Variants in MCTP1 observed in about 807,000 individuals in gnomAD.
MCTP1 encodes the protein multiple C2 and transmembrane domain-containing protein 1.
MCTP1 carries 69 observed loss-of-function variants against 120.6 expected under a neutral mutation model. The observed-to-expected ratio is 0.57, with a 90% CI of 0.47 to 0.70. MCTP1 has a LOEUF of 0.70. Among genes scored for constraint, MCTP1 ranks in the 30% least tolerant of loss-of-function variants. The probability of loss-of-function intolerance (pLI) is 0.00; values close to 1 mark genes in which losing one functional copy is unlikely to be tolerated. For synonymous variants in MCTP1, 529 were observed against 493.1 expected (o/e 1.07, Z -0.96); for missense variants, 1,203 against 1,248.8 (o/e 0.96, Z 0.55).
chr5:94,920,418 T>C (rs547886416), intron 7 of MCTP1, among the ~76,000 whole-genome samples: 2 of 152,128 alleles, frequency 1.3e-5, no homozygotes, highest in Non-Finnish European at 2.9e-5. Flanking sequence ...GTGTAAGTGC[T>C]TCAGCACAGG....
Position 94,953,298 on chromosome 5 carries a change from A to G in MCTP1, c.902T>C (p.Ile301Thr), listed in dbSNP as rs1404876263. ...CCACACAGGGTTGAGGTTCTTGTGT[A>G]TTATCTTACTTCTAAAAACTTCTTT... The part of the protein sequence containing the change: ...GGKEVFRSKI[I>T]HKNLNPVWEE... Residue 301 changes from isoleucine (I) to threonine (T), a missense_variant, in exon 3 of 23, where the codon ATA (isoleucine) becomes ACA (threonine). Ile to Thr is a moderately conservative substitution (Grantham distance 89). Around this residue, in one of 2 missense-constraint regions of MCTP1, gnomAD observed 740 missense variants for 871.1 expected, o/e 0.85. Transcript: ENST00000515393. 12 of 1,611,910 alleles carry G rather than the reference A, an allele frequency of 7.4e-6. No individual in the cohort carries two copies. Among genetic ancestry groups the G allele is most frequent in the East Asian group, 2.2e-5 (1 of 44,770 alleles).
At chr5:95,054,617 C>T (rs1004685960) in intron 1 of MCTP1, among the ~76,000 whole-genome samples, 1 of 152,144 alleles carries the variant, frequency 6.6e-6, no homozygotes, top group Non-Finnish European at 1.5e-5. Flanking sequence ...GAGCAGAGGT[C>T]CCCCCTACAA....
At chr5:94,751,075 A>G (rs1194339247) in intron 19 of MCTP1, among the ~76,000 whole-genome samples, 1 of 152,140 alleles carries the variant, frequency 6.6e-6, no homozygotes, top group Admixed American at 6.5e-5. Flanking sequence ...AAGAACAAGC[A>G]CACCTTGAAT....
At chr5:95,171,843 C>T (rs748537611) in intron 1 of MCTP1, among the ~76,000 whole-genome samples, 5 of 151,272 alleles carry the variant, frequency 3.3e-5, no homozygotes, top group African/African-American at 4.8e-5. Context: ...AGCTTCTTTG[C>T]GATGGGTTTC....
chr5:95,017,242 T>C (rs1243937821), intron 2 of MCTP1, 125 bp downstream of exon 2: 3 of 558,710 alleles, frequency 5.4e-6, no homozygotes, highest in African/African-American at 3.9e-5. Context: ...ACTGTGTCTT[T>C]GAATTCAAGC....
chr5:94,926,368 CCA>C lies in MCTP1; in HGVS notation c.1213-2349_1213-2348del, dbSNP rs1220003098. Among the ~76,000 whole-genome samples the C allele has an allele frequency of 2.8e-3, 423 of 152,156 alleles. 3 individuals are homozygous for C. The highest frequency in any genetic ancestry group is 3.7e-3 in the South Asian group (18 of 4,818). On this transcript the variant is annotated intron_variant, in intron 6 of 22. Transcript: ENST00000515393. ...ATTTCCTTTATCAATACAATTTTGG[CCA>C]CTTAAGAGATTAAAAAATAAATAAA...
At chr5:95,129,368 G>C (rs925066266) in intron 1 of MCTP1, among the ~76,000 whole-genome samples, 11 of 152,184 alleles carry the variant, frequency 7.2e-5, no homozygotes, top group Non-Finnish European at 1.6e-4. Flanking sequence ...ATCACGCTTG[G>C]TCTTCATTTA....
chr5:95,257,719 T>G lies in MCTP1; in HGVS notation c.720+26137A>C, dbSNP rs58486290. Among the ~76,000 whole-genome samples the G allele has an allele frequency of 4.9e-3, 743 of 151,514 alleles. 8 individuals are homozygous for G. Among genetic ancestry groups the G allele is most frequent in the African/African-American group, 0.016 (680 of 41,266 alleles). ...TTGAAAACATGGCTATTTCTAAGAC[T>G]AGAGCAGGAAATATATAAGAAGAGC... On this transcript the variant is annotated intron_variant, in intron 1 of 22. Coordinates refer to ENST00000515393, the MANE Select transcript of MCTP1 (RefSeq NM_024717.7).
intron 2 of MCTP1, 47 bp downstream of exon 2, chr5:95,017,320 T>A: frequency 8.5e-7 from 1 of 1,180,458 alleles, no homozygotes; most frequent in Non-Finnish European, 1.2e-6. Flanking sequence ...AAGTTTGTCA[T>A]AAACACATAA....
At chr5:95,011,043 G>A (rs1289471865) in intron 2 of MCTP1, among the ~76,000 whole-genome samples, 4 of 152,240 alleles carry the variant, frequency 2.6e-5, no homozygotes, top group East Asian at 3.9e-4. Context: ...CAGGGAGTTC[G>A]TGATGTCTGC....
intron 2 of MCTP1, among the ~76,000 whole-genome samples, chr5:94,973,605 GC>G (rs1315074975): frequency 6.6e-6 from 1 of 152,058 alleles, no homozygotes; most frequent in African/African-American, 2.4e-5. Flanking sequence ...ATATTTGTTG[GC>G]TTGTATGAAT....
chr5:94,986,390 A>G (rs1830421470), intron 2 of MCTP1, among the ~76,000 whole-genome samples: 1 of 152,174 alleles, frequency 6.6e-6, no homozygotes, highest in South Asian at 2.1e-4. Flanking sequence ...GACCTCTGCT[A>G]AATTTCAGTC....
intron 2 of MCTP1, among the ~76,000 whole-genome samples, chr5:95,010,747 A>C (rs1581825203): frequency 6.6e-6 from 1 of 152,154 alleles, no homozygotes; most frequent in East Asian, 1.9e-4. Context: ...TTCCACTGAA[A>C]GTTGTTTTTG....
At chr5:95,258,675 C>T (rs1409651846) in intron 1 of MCTP1, among the ~76,000 whole-genome samples, 1 of 152,152 alleles carries the variant, frequency 6.6e-6, no homozygotes, top group East Asian at 1.9e-4. Flanking sequence ...GAACTCTCTG[C>T]CCTATATTTG....
intron 1 of MCTP1, among the ~76,000 whole-genome samples, chr5:95,151,776 G>A (rs1290009527): frequency 6.6e-6 from 1 of 152,084 alleles, no homozygotes; most frequent in Non-Finnish European, 1.5e-5. Flanking sequence ...TCTTTCCACA[G>A]GCCAGCAGTG....
At chr5:94,763,019 C>T (rs1046306217) in intron 19 of MCTP1, among the ~76,000 whole-genome samples, 5 of 152,154 alleles carry the variant, frequency 3.3e-5, no homozygotes, top group African/African-American at 1.2e-4. Flanking sequence ...TTAAAATCTC[C>T]TTTACTCTCT....
intron 1 of MCTP1, among the ~76,000 whole-genome samples, chr5:95,229,098 G>A (rs1754626511): frequency 6.6e-6 from 1 of 152,210 alleles, no homozygotes; most frequent in Non-Finnish European, 1.5e-5. Flanking sequence ...AACACAGGAA[G>A]CTTGGAGGAC....
At chr5:95,282,275 CAG>C (rs1403882081) in intron 1 of MCTP1, among the ~76,000 whole-genome samples, 1 of 151,982 alleles carries the variant, frequency 6.6e-6, no homozygotes, top group Non-Finnish European at 1.5e-5. Context: ...ATAAAAAATT[CAG>C]AGTTATCTAT....
chr5:95,006,477 T>C (rs1430719054), intron 2 of MCTP1, among the ~76,000 whole-genome samples: 1 of 152,120 alleles, frequency 6.6e-6, no homozygotes. Context: ...AAACACTGTT[T>C]AAAGAAATAA....
Sources: allele counts gnomAD v4.1 joint callset (sites outside exome capture counted in the v4.1 genomes callset), GRCh38; gene constraint gnomAD v4.1.1; regional missense constraint gnomAD v4.1.1; transcripts MANE v1.5; gene names NCBI Gene and HGNC (gene_info 2026-07-23, HGNC 2026-07-21).